Variants in TACC2 observed in about 807,000 individuals in gnomAD.
The protein encoded by TACC2 is transforming acidic coiled-coil-containing protein 2.
In TACC2, 137 loss-of-function variants were observed where a neutral mutation model predicts 227.3. The ratio of observed to expected loss-of-function variants is 0.60; its 90% CI spans 0.52 to 0.69. The LOEUF (loss-of-function observed/expected upper bound fraction) is 0.69, where lower values mean the gene tolerates loss of function less well. TACC2 is among the 30% of genes least tolerant of loss of function. The pLI, the probability that TACC2 is intolerant of heterozygous loss-of-function variation, is 0.00. For missense variants in TACC2, 3,470 were observed against 3,694.4 expected (o/e 0.94, Z 1.57); for synonymous variants, 1,523 against 1,487.5 (o/e 1.02, Z -0.55).
intron 1 of TACC2, among the ~76,000 whole-genome samples, chr10:122,013,601 T>C (rs1014229764): frequency 6.6e-6 from 1 of 152,204 alleles, no homozygotes; most frequent in Non-Finnish European, 1.5e-5. Flanking sequence ...CGGGAGCTGC[T>C]GGGTCAGGTG....
intron 5 of TACC2, among the ~76,000 whole-genome samples, chr10:122,125,735 C>T (rs1012764260): frequency 6.7e-6 from 1 of 149,448 alleles, no homozygotes; most frequent in Middle Eastern, 3.6e-3. Context: ...AATCAGTCAG[C>T]ATTTGGTGGG....
intron 1 of TACC2, among the ~76,000 whole-genome samples, chr10:122,008,394 G>A (rs1955511953): frequency 4.6e-5 from 7 of 151,640 alleles, no homozygotes; most frequent in South Asian, 4.2e-4. Flanking sequence ...TCGAGTAGCC[G>A]GGATTACAGG....
chr10:122,164,048 GGGCTTTGTTAGTGTC>G, intron 7 of TACC2: 1 of 1,547,032 alleles, frequency 6.5e-7, no homozygotes, highest in Non-Finnish European at 8.7e-7. Flanking sequence ...GAGGATGCCC[GGGCTTTGTTAGTGTC>G]GCCTTTCCTA....
chr10:122,131,303 C>G (rs749451429), intron 5 of TACC2, among the ~76,000 whole-genome samples: 22 of 151,978 alleles, frequency 1.4e-4, no homozygotes, highest in Admixed American at 7.9e-4. Context: ...AGGATCTGAT[C>G]AAGGAGTGGA....
intron 3 of TACC2, chr10:122,051,438 C>T (rs973480498): frequency 2.6e-5 from 4 of 152,226 alleles, no homozygotes; most frequent in African/African-American, 9.7e-5. Context: ...GTTGGCCCCA[C>T]ACTCATAGTT....
chr10:122,054,501 C>A (rs1258554370), intron 3 of TACC2, among the ~76,000 whole-genome samples: 2 of 152,172 alleles, frequency 1.3e-5, no homozygotes, highest in African/African-American at 4.8e-5. Context: ...CCTTTTAGAT[C>A]CTTAAGACAC....
intron 2 of TACC2, among the ~76,000 whole-genome samples, chr10:122,024,950 G>A (rs951995328): frequency 1.3e-5 from 2 of 152,172 alleles, no homozygotes; most frequent in Non-Finnish European, 2.9e-5. Flanking sequence ...TTGCTGGGTT[G>A]TATGATAGTT....
At chr10:121,994,136 G>C (rs922034302) in intron 1 of TACC2, among the ~76,000 whole-genome samples, 4 of 152,120 alleles carry the variant, frequency 2.6e-5, no homozygotes, top group African/African-American at 9.7e-5. Flanking sequence ...GTGACATGCT[G>C]TTTAGAACTC....
At chr10:122,120,825 A>G (rs2085624395) in intron 5 of TACC2, among the ~76,000 whole-genome samples, 1 of 151,350 alleles carries the variant, frequency 6.6e-6, no homozygotes, top group Non-Finnish European at 1.5e-5. Context: ...CAGTGGCGCG[A>G]TCTCAGCTCA....
intron 5 of TACC2, among the ~76,000 whole-genome samples, chr10:122,122,758 G>A (rs2086092726): frequency 6.6e-6 from 1 of 152,178 alleles, no homozygotes; most frequent in African/African-American, 2.4e-5. Flanking sequence ...GGCTGCATGA[G>A]TGAGTGTGTG....
At chr10:122,070,273 G>C (rs1294140580) in intron 3 of TACC2, among the ~76,000 whole-genome samples, 1 of 152,174 alleles carries the variant, frequency 6.6e-6, no homozygotes, top group Non-Finnish European at 1.5e-5. Context: ...AATGTTTACT[G>C]TGGCAGGAAA....
chr10:122,230,755 C>T (rs561298561), intron 16 of TACC2, among the ~76,000 whole-genome samples: 1 of 151,796 alleles, frequency 6.6e-6, no homozygotes, highest in South Asian at 2.1e-4. Flanking sequence ...AACTGGTTAG[C>T]ACCAATTCAA....
intron 7 of TACC2, among the ~76,000 whole-genome samples, chr10:122,159,671 C>T (rs2092702071): frequency 6.6e-6 from 1 of 152,148 alleles, no homozygotes; most frequent in Non-Finnish European, 1.5e-5. Context: ...TTTTGTCCAG[C>T]CTCCCTCTGC....
At chr10:122,183,225 C>A (rs1302810474) in intron 7 of TACC2, among the ~76,000 whole-genome samples, 3 of 150,530 alleles carry the variant, frequency 2.0e-5, no homozygotes, top group South Asian at 4.3e-4. Context: ...AAAAAACAAA[C>A]AAAAAAAACA....
chr10:122,130,798 T>C (rs2138766612), intron 5 of TACC2, among the ~76,000 whole-genome samples: 1 of 152,320 alleles, frequency 6.6e-6, no homozygotes, highest in Non-Finnish European at 1.5e-5. Flanking sequence ...GAGGATCAAA[T>C]ACAGTGCCAT....
chr10:122,021,239 A>AAAG (rs149978264), intron 1 of TACC2, among the ~76,000 whole-genome samples: 27 of 146,232 alleles, frequency 1.8e-4, no homozygotes, highest in South Asian at 6.9e-4. Context: ...GAAAAAAAAA[A>AAAG]GGCGGGGGGG....
chr10:122,152,563 C>T (rs889631885), intron 7 of TACC2, among the ~76,000 whole-genome samples: 11 of 152,196 alleles, frequency 7.2e-5, no homozygotes, highest in South Asian at 4.1e-4. Flanking sequence ...ATTCCATAAA[C>T]GCGTGTTGAC....
At chr10:122,122,898 C>T (rs553175187) in intron 5 of TACC2, among the ~76,000 whole-genome samples, 354 of 152,288 alleles carry the variant, frequency 2.3e-3, no homozygotes, top group Non-Finnish European at 3.9e-3. Flanking sequence ...CATATATATT[C>T]AAATTTTATC....
At chr10:122,017,317 G>A (rs868231330) in intron 1 of TACC2, among the ~76,000 whole-genome samples, 4 of 152,072 alleles carry the variant, frequency 2.6e-5, no homozygotes, top group Non-Finnish European at 5.9e-5. Context: ...TTGCACATGC[G>A]TCGCCTGCGA....
Sources: allele counts gnomAD v4.1 joint callset (sites outside exome capture counted in the v4.1 genomes callset), GRCh38; gene constraint gnomAD v4.1.1; transcripts MANE v1.5; gene names NCBI Gene and HGNC (gene_info 2026-07-23, HGNC 2026-07-21).